RCAN2: variants seen among roughly 807,000 people sequenced by gnomAD.
RCAN2 encodes calcipressin-2.
A neutral mutation model predicts 23.6 loss-of-function variants in RCAN2; 9 were observed. That is an observed-to-expected ratio of 0.38 (90% CI 0.23 to 0.67). The LOEUF (loss-of-function observed/expected upper bound fraction) is 0.67. Ranked by LOEUF, RCAN2 falls within the 30% of genes least tolerant of loss-of-function variation. The pLI is 0.51. For missense variants in RCAN2, 273 were observed against 302.3 expected (o/e 0.90, Z 0.72); for synonymous variants, 109 against 115.7 (o/e 0.94, Z 0.37).
intron 2 of RCAN2, among the ~76,000 whole-genome samples, chr6:46,329,245 C>T (rs1469111084): frequency 1.3e-5 from 2 of 152,218 alleles, no homozygotes. Flanking sequence ...CAGATCACAT[C>T]TCTTTGGAAA....
chr6:46,378,660 G>A (rs900927589), intron 2 of RCAN2, among the ~76,000 whole-genome samples: 2 of 152,166 alleles, frequency 1.3e-5, no homozygotes, highest in African/African-American at 4.8e-5. Context: ...CAAGCCTCAG[G>A]GGGGTTAGTC....
chr6:46,468,774 G>A (rs1406273628), intron 1 of RCAN2: 29 of 978,456 alleles, frequency 3.0e-5, no homozygotes, highest in South Asian at 9.4e-5. Flanking sequence ...CTCTCTCTCC[G>A]CTAGATGTTC....
intron 1 of RCAN2, among the ~76,000 whole-genome samples, chr6:46,485,135 A>G (rs796858500): frequency 3.3e-5 from 5 of 152,146 alleles, no homozygotes; most frequent in African/African-American, 1.2e-4. Context: ...AATTGTGCTC[A>G]AAGATGTTTA....
chr6:46,441,880 A>C (rs534372364), intron 2 of RCAN2, among the ~76,000 whole-genome samples: 1 of 152,356 alleles, frequency 6.6e-6, no homozygotes, highest in East Asian at 1.9e-4. Context: ...TATACAGCAC[A>C]CTAATAACCC....
chr6:46,422,545 T>C (rs1766914039), intron 2 of RCAN2, among the ~76,000 whole-genome samples: 1 of 152,112 alleles, frequency 6.6e-6, no homozygotes, highest in Non-Finnish European at 1.5e-5. Flanking sequence ...AAGGAAGACA[T>C]GTTCCAAACA....
At chr6:46,474,383 A>T (rs67452338) in intron 1 of RCAN2, among the ~76,000 whole-genome samples, 8,153 of 152,206 alleles carry the variant, frequency 0.054, 353 homozygotes, top group African/African-American at 0.11. Flanking sequence ...ACCTTTCATG[A>T]CATAAAATCT....
intron 1 of RCAN2, among the ~76,000 whole-genome samples, chr6:46,464,516 G>C (rs1768317583): frequency 6.6e-6 from 1 of 152,056 alleles, no homozygotes; most frequent in Admixed American, 6.6e-5. Flanking sequence ...CCATCTTACA[G>C]GGAGATTGAA....
At chr6:46,238,477 T>C (rs1766186210) in intron 4 of RCAN2, among the ~76,000 whole-genome samples, 1 of 152,192 alleles carries the variant, frequency 6.6e-6, no homozygotes, top group Non-Finnish European at 1.5e-5. Flanking sequence ...CTGCAATGTG[T>C]AGGACTGTCA....
chr6:46,232,784 C>T (rs1464524492), intron 4 of RCAN2, among the ~76,000 whole-genome samples: 2 of 93,784 alleles, frequency 2.1e-5, no homozygotes, highest in Non-Finnish European at 4.0e-5. Flanking sequence ...CACAGCAAGA[C>T]TGTCTCAAAA....
intron 2 of RCAN2, among the ~76,000 whole-genome samples, chr6:46,258,587 T>C (rs765517672): frequency 7.9e-5 from 12 of 152,072 alleles, no homozygotes; most frequent in South Asian, 2.1e-4. Context: ...ATACTCAGCC[T>C]CAAACTCTAG....
chr6:46,311,250 C>T (rs1305328120), intron 2 of RCAN2, among the ~76,000 whole-genome samples: 1 of 152,168 alleles, frequency 6.6e-6, no homozygotes, highest in East Asian at 1.9e-4. Context: ...GTTCAGCCCT[C>T]CTTCTGTCTC....
At chr6:46,386,338 C>A (rs560021716) in intron 2 of RCAN2, among the ~76,000 whole-genome samples, 2 of 151,948 alleles carry the variant, frequency 1.3e-5, no homozygotes, top group Non-Finnish European at 2.9e-5. Flanking sequence ...GTGGCTCACA[C>A]CTGTAATCCC....
intron 4 of RCAN2, among the ~76,000 whole-genome samples, chr6:46,243,728 T>C (rs1306365111): frequency 7.2e-6 from 1 of 138,412 alleles, no homozygotes; most frequent in Non-Finnish European, 1.5e-5. Flanking sequence ...GAGAATTGCT[T>C]GAACCCGGGA....
At chr6:46,420,519 T>A (rs1766855029) in intron 2 of RCAN2, among the ~76,000 whole-genome samples, 4 of 151,898 alleles carry the variant, frequency 2.6e-5, no homozygotes, top group Admixed American at 2.0e-4. Context: ...TTTTTTATAA[T>A]GTCATTTCAA....
intron 2 of RCAN2, among the ~76,000 whole-genome samples, chr6:46,415,202 A>G (rs1237854703): frequency 6.6e-6 from 1 of 152,208 alleles, no homozygotes; most frequent in Non-Finnish European, 1.5e-5. Context: ...TGCACTATCC[A>G]CATGAGCAGA....
chr6:46,467,793 T>G (rs957064133), intron 1 of RCAN2, among the ~76,000 whole-genome samples: 1 of 152,232 alleles, frequency 6.6e-6, no homozygotes, highest in African/African-American at 2.4e-5. Context: ...TCCCAAAATT[T>G]CTGGTGGGTA....
At chr6:46,456,661 C>CAT (rs1768040894) in intron 2 of RCAN2, 91 bp downstream of exon 2, 1 of 1,015,788 alleles carries the variant, frequency 9.8e-7, no homozygotes, top group East Asian at 2.6e-5. Flanking sequence ...TTTCCAAAAA[C>CAT]TTCAAAACAC....
At chr6:46,313,573 C>T (rs948737225) in intron 2 of RCAN2, among the ~76,000 whole-genome samples, 1 of 152,212 alleles carries the variant, frequency 6.6e-6, no homozygotes, top group Non-Finnish European at 1.5e-5. Context: ...GTCTTTCTGC[C>T]TCCAAAGAAC....
At chr6:46,466,017 A>G (rs1716184927) in intron 1 of RCAN2, among the ~76,000 whole-genome samples, 1 of 152,196 alleles carries the variant, frequency 6.6e-6, no homozygotes, top group Non-Finnish European at 1.5e-5. Flanking sequence ...TGAACAGGGA[A>G]TGAGTGGCTC....
Sources: gnomAD v4.1 joint callset for allele counts (sites outside exome capture counted in the v4.1 genomes callset) on GRCh38, gnomAD v4.1.1 for gene constraint, MANE v1.5 for transcripts, NCBI Gene and HGNC (gene_info 2026-07-23, HGNC 2026-07-21) for gene names.